Variants in PRKN observed in about 807,000 individuals in gnomAD.
PRKN encodes the protein parkin RBR E3 ubiquitin protein ligase, also known as E3 ubiquitin-protein ligase parkin.
PRKN carries 56 observed loss-of-function variants against 59.5 expected under a neutral mutation model. That is an observed-to-expected ratio of 0.94 (90% CI 0.76 to 1.18). PRKN has a LOEUF of 1.18. Ranked by LOEUF, PRKN falls within the 50% of genes most tolerant of loss-of-function variation. The probability of loss-of-function intolerance (pLI) is 0.00; values close to 1 mark genes in which losing one functional copy is unlikely to be tolerated. For missense variants in PRKN, 657 were observed against 596.4 expected (o/e 1.10, Z -1.06); for synonymous variants, 250 against 222.1 (o/e 1.13, Z -1.12).
intron 10 of PRKN, among the ~76,000 whole-genome samples, chr6:161,366,225 C>A (rs1036715312): frequency 6.6e-6 from 1 of 152,154 alleles, no homozygotes; most frequent in Non-Finnish European, 1.5e-5. Context: ...GGAAGAGAGA[C>A]CTCCCCAGAT....
intron 7 of PRKN, among the ~76,000 whole-genome samples, chr6:161,758,823 T>C (rs1281142843): frequency 1.3e-5 from 2 of 152,210 alleles, no homozygotes; most frequent in East Asian, 3.9e-4. Flanking sequence ...TGTCTGAGTA[T>C]ACAACCTGTC....
At chr6:162,720,519 C>T (rs886398780) in intron 1 of PRKN, among the ~76,000 whole-genome samples, 1 of 145,962 alleles carries the variant, frequency 6.9e-6, no homozygotes, top group Non-Finnish European at 1.5e-5. Context: ...GGCGCAATCT[C>T]GGCTCACTGC....
chr6:162,217,401 GACAC>G (rs1236351472), intron 3 of PRKN, among the ~76,000 whole-genome samples: 1 of 152,146 alleles, frequency 6.6e-6, no homozygotes, highest in African/African-American at 2.4e-5. Context: ...GTTTGTTTGA[GACAC>G]AGTCTCCCTC....
chr6:162,387,539 CACACACACACACACACAGAGAGAG>C (rs1786901003), intron 2 of PRKN, among the ~76,000 whole-genome samples: 1 of 71,494 alleles, frequency 1.4e-5, no homozygotes, highest in Non-Finnish European at 2.5e-5. Flanking sequence ...ACAACACACA[CACACACACACACACACAGAGAGAG>C]AGAGAGAGAG....
chr6:161,632,499 A>C (rs1783353403), intron 7 of PRKN, among the ~76,000 whole-genome samples: 1 of 152,214 alleles, frequency 6.6e-6, no homozygotes, highest in South Asian at 2.1e-4. Context: ...AATTAGAAAA[A>C]AGTAGTTTCA....
intron 1 of PRKN, among the ~76,000 whole-genome samples, chr6:162,594,552 T>C (rs558023113): frequency 2.6e-5 from 4 of 152,320 alleles, no homozygotes; most frequent in South Asian, 4.1e-4. Context: ...TCACTCCATA[T>C]ACATTTCTGC....
chr6:162,061,224 T>C (rs933975931), intron 4 of PRKN, among the ~76,000 whole-genome samples: 4 of 152,112 alleles, frequency 2.6e-5, no homozygotes, highest in African/African-American at 9.7e-5. Context: ...CTTCACAGAG[T>C]GTGCATGAAG....
In PRKN at chr6:161,403,635, C is replaced by T. The variant is rs192846746; in HGVS notation, c.1084-16758G>A. Among the ~76,000 whole-genome samples the T allele has an allele frequency of 1.6e-4, 25 of 152,290 alleles. No individual in the cohort carries two copies. The East Asian group carries it at 4.1e-3, about 25-fold the overall frequency. ...CTCTCTGGAGAGCCACGCTTTTATC[C>T]TCTGCTCCTCAGCCTATCTTCTCCC... On this transcript the variant is annotated intron_variant, in intron 9 of 11. Transcript: ENST00000366898.
chr6:162,631,342 CTGTTA>C (rs1302330225), intron 1 of PRKN, among the ~76,000 whole-genome samples: 1 of 152,134 alleles, frequency 6.6e-6, no homozygotes, highest in Non-Finnish European at 1.5e-5. Flanking sequence ...TTTATTACTT[CTGTTA>C]TATTAACCAG....
Position 161,617,526 on chromosome 6 carries a change from A to G in PRKN, c.872-48110T>C, listed in dbSNP as rs144898415. 3.4e-3 allele frequency among the ~76,000 whole-genome samples: 516 copies of G among 152,360 alleles called. 12 individuals are homozygous for G. Among genetic ancestry groups the G allele is most frequent in the Admixed American group, 0.03 (454 of 15,306 alleles). On this transcript the variant is annotated intron_variant, in intron 7 of 11. Transcript: ENST00000366898. ...CTATACCTTTAAAACAGACTCATTGAGGTTTTAGACTCAATTACTGTAAAG... is the reference window on the plus strand; with the variant it reads ...CTATACCTTTAAAACAGACTCATTGGGGTTTTAGACTCAATTACTGTAAAG...
chr6:161,351,206 A>T (rs1014607942), intron 11 of PRKN, among the ~76,000 whole-genome samples: 11 of 142,360 alleles, frequency 7.7e-5, no homozygotes, highest in African/African-American at 2.9e-4. Context: ...ATAACCTAAT[A>T]TAATGTATAA....
At chr6:162,125,865 G>A (rs964452851) in intron 4 of PRKN, among the ~76,000 whole-genome samples, 7 of 152,130 alleles carry the variant, frequency 4.6e-5, no homozygotes, top group African/African-American at 1.7e-4. Context: ...TTGTGACTCC[G>A]TTACAGTTGG....
intron 2 of PRKN, among the ~76,000 whole-genome samples, chr6:162,406,770 C>G (rs980211745): frequency 2.7e-4 from 41 of 152,272 alleles, no homozygotes; most frequent in African/African-American, 8.2e-4. Flanking sequence ...AGCTTCTCCT[C>G]CCCTCTTCCA....
chr6:161,893,894 G>C (rs1378420133), intron 6 of PRKN, among the ~76,000 whole-genome samples: 1 of 152,132 alleles, frequency 6.6e-6, no homozygotes, highest in Non-Finnish European at 1.5e-5. Flanking sequence ...GACGGATCTG[G>C]GTAAGTCATC....
At chr6:162,320,362 CAAAAA>C (rs55793911) in intron 2 of PRKN, among the ~76,000 whole-genome samples, 287 of 7,304 alleles carry the variant, frequency 0.039, 13 homozygotes, top group African/African-American at 0.15. Context: ...TACAAAAAGC[CAAAAA>C]AAAAAAAAAA....
rs562705049 is a variant in PRKN at position 161,527,368 on chromosome 6, G to A, written c.1083+21486C>T. On this transcript the variant is annotated intron_variant, in intron 9 of 11. Transcript: ENST00000366898. The surrounding 1 kb of genome is among the most constrained non-coding windows in gnomAD (Gnocchi z 4.6). ...ATGAACTTGGAGCCAGGGCTTTGGT[G>A]TACATTTCTGTAATTTGTGCTTCAC... 6.6e-6 allele frequency among the ~76,000 whole-genome samples: 1 copy of A among 152,268 alleles called. No homozygotes were observed. Among genetic ancestry groups the A allele is most frequent in the South Asian group, 2.1e-4 (1 of 4,826 alleles).
chr6:161,713,443 G>C (rs1786837687), intron 7 of PRKN, among the ~76,000 whole-genome samples: 1 of 152,104 alleles, frequency 6.6e-6, no homozygotes, highest in Non-Finnish European at 1.5e-5. Context: ...GGCTCTCTAG[G>C]GGGTGCACCC....
intron 6 of PRKN, among the ~76,000 whole-genome samples, chr6:161,922,815 G>A (rs536861134): frequency 4.9e-4 from 74 of 152,226 alleles, no homozygotes; most frequent in African/African-American, 1.6e-3. Flanking sequence ...GGAGAAGTTG[G>A]AGTTTTGTTT....
At chr6:161,865,718 GA>G (rs1250968106) in intron 6 of PRKN, among the ~76,000 whole-genome samples, 1 of 152,186 alleles carries the variant, frequency 6.6e-6, no homozygotes, top group Non-Finnish European at 1.5e-5. Flanking sequence ...CCTTGCTCTG[GA>G]TTAGGTTTTG....
Sources: gnomAD v4.1 joint callset for allele counts (sites outside exome capture counted in the v4.1 genomes callset) on GRCh38, gnomAD v4.1.1 for gene constraint, Gnocchi (gnomAD v3.1) non-coding constraint, MANE v1.5 for transcripts, NCBI Gene and HGNC (gene_info 2026-07-23, HGNC 2026-07-21) for gene names.